LRP6: variants seen among roughly 807,000 people sequenced by gnomAD.
LRP6 encodes low-density lipoprotein receptor-related protein 6.
LRP6 carries 43 observed loss-of-function variants against 184.1 expected under a neutral mutation model. The ratio of observed to expected loss-of-function variants is 0.23; its 90% CI spans 0.18 to 0.30. LRP6 has a LOEUF of 0.30. Ranked by LOEUF, LRP6 falls within the 10% of genes least tolerant of loss-of-function variation. The pLI is 1.00. For missense variants in LRP6, 1,571 were observed against 2,005.3 expected (o/e 0.78, Z 4.14); for synonymous variants, 719 against 684.9 (o/e 1.05, Z -0.78).
intron 10 of LRP6, among the ~76,000 whole-genome samples, chr12:12,160,709 G>A (rs1289960070): frequency 6.6e-6 from 1 of 152,170 alleles, no homozygotes; most frequent in Non-Finnish European, 1.5e-5. Flanking sequence ...TAGATGAAGA[G>A]CCCAAAACAC....
At chr12:12,181,588 AAAGT>A (rs1248676934) in intron 5 of LRP6, 149 bp from the exon 6 acceptor site, 5 of 655,338 alleles carry the variant, frequency 7.6e-6, no homozygotes, top group African/African-American at 5.4e-5. Context: ...GTGGAAATGG[AAAGT>A]AATACAGTGA....
At chr12:12,163,310 ATC>A in intron 9 of LRP6, among the ~76,000 whole-genome samples, 1 of 152,114 alleles carries the variant, frequency 6.6e-6, no homozygotes, top group East Asian at 1.9e-4. Flanking sequence ...AATTTAGAAC[ATC>A]ACCCAATGCA....
intron 2 of LRP6, among the ~76,000 whole-genome samples, chr12:12,241,913 A>G (rs933337103): frequency 1.3e-5 from 2 of 152,210 alleles, no homozygotes; most frequent in African/African-American, 2.4e-5. Flanking sequence ...AAAGCCACAG[A>G]AACTCTAAAG....
intron 1 of LRP6, among the ~76,000 whole-genome samples, chr12:12,261,981 G>A (rs893638599): frequency 2.0e-5 from 3 of 152,116 alleles, no homozygotes; most frequent in Non-Finnish European, 4.4e-5. Flanking sequence ...GGTGGCTCAC[G>A]CCTGTAATCC....
rs565694073 is a variant in LRP6 at position 12,169,081 on chromosome 12, T to G, written c.1546-3786A>C. 1.3e-4 allele frequency among the ~76,000 whole-genome samples: 19 copies of G among 152,000 alleles called. No individual in the cohort carries two copies. In the East Asian group the frequency reaches 3.7e-3, roughly 29 times the overall value. ...CTGTCTCTACTAAAAATAGAAAAATTAGCCGGGAGTGGTGGCTAACGCCTG... is the reference window on the plus strand; with the variant it reads ...CTGTCTCTACTAAAAATAGAAAAATGAGCCGGGAGTGGTGGCTAACGCCTG... On this transcript the variant is annotated intron_variant, in intron 7 of 22. Coordinates refer to ENST00000261349, the MANE Select transcript of LRP6 (RefSeq NM_002336.3).
intron 19 of LRP6, among the ~76,000 whole-genome samples, chr12:12,127,667 A>G (rs942817968): frequency 3.3e-5 from 5 of 152,162 alleles, no homozygotes; most frequent in African/African-American, 1.2e-4. Flanking sequence ...AGAGGGCATC[A>G]ATATCAGAGG....
chr12:12,174,285 T>C (rs1277469651), intron 7 of LRP6, among the ~76,000 whole-genome samples: 2 of 152,130 alleles, frequency 1.3e-5, no homozygotes, highest in Non-Finnish European at 2.9e-5. Flanking sequence ...CTAATTTTTG[T>C]ATTTTTAGTA....
chr12:12,125,476 TA>T, intron 20 of LRP6, 44 bp from the exon 21 acceptor site: 1 of 1,553,580 alleles, frequency 6.4e-7, no homozygotes, highest in Non-Finnish European at 8.9e-7. Flanking sequence ...GTATGATATA[TA>T]AAAATGTATC....
intron 2 of LRP6, among the ~76,000 whole-genome samples, chr12:12,227,590 G>A (rs930884537): frequency 2.6e-5 from 4 of 151,914 alleles, no homozygotes; most frequent in African/African-American, 9.7e-5. Flanking sequence ...TGTATTTTTG[G>A]TAGAGACGGG....
At position 12,117,164 on chromosome 12, in the gene LRP6, C is replaced by A. The variant is rs1949529900; in HGVS notation, c.*3962G>T. The A allele has an allele frequency of 6.6e-6, 1 of 152,170 alleles. No homozygotes were observed. Among genetic ancestry groups the A allele is most frequent in the Non-Finnish European group, 1.5e-5 (1 of 68,016 alleles). The allele number at this position is 152,170 out of a possible 1,614,324, so 9.4% of individuals were successfully genotyped here. On this transcript the variant is annotated 3_prime_UTR_variant, in exon 23 of 23. Coordinates refer to ENST00000261349, the MANE Select transcript of LRP6 (RefSeq NM_002336.3). ...TTCTAAAATCATCTTTCTCTTGGTTCATTTTAGGCTTAAGAAATACCAAAT... is the reference window on the plus strand; with the variant it reads ...TTCTAAAATCATCTTTCTCTTGGTTAATTTTAGGCTTAAGAAATACCAAAT...
At chr12:12,243,519 TTTAAA>T (rs544135588) in intron 2 of LRP6, among the ~76,000 whole-genome samples, 3 of 152,336 alleles carry the variant, frequency 2.0e-5, no homozygotes, top group African/African-American at 7.2e-5. Flanking sequence ...CTTCTCTCTC[TTTAAA>T]TTATCTTCTG....
chr12:12,235,847 T>C (rs978982973), intron 2 of LRP6, among the ~76,000 whole-genome samples: 9 of 151,994 alleles, frequency 5.9e-5, no homozygotes, highest in East Asian at 1.9e-4. Context: ...CTTGGAGAAA[T>C]AGTTGATTCA....
In LRP6 at chr12:12,150,771, C is replaced by G; in HGVS notation, c.2994+65G>C. 4 of 1,543,552 alleles carry G rather than the reference C, an allele frequency of 2.6e-6. No individual in the cohort carries two copies. In the South Asian group the frequency reaches 4.5e-5, roughly 17 times the overall value. ...AAGCAGAGTCAAGACTTAAGTGAAA[C>G]AGAGTGGTTGGTGAGTCCAGTTATT... On this transcript the variant is annotated intron_variant, in intron 13 of 22. Coordinates refer to ENST00000261349, the MANE Select transcript of LRP6 (RefSeq NM_002336.3).
chr12:12,165,402 GT>G, intron 7 of LRP6, 107 bp from the exon 8 acceptor site: 3 of 804,940 alleles, frequency 3.7e-6, no homozygotes, highest in Non-Finnish European at 6.5e-6. Flanking sequence ...AGTCATCTTG[GT>G]ATTCCTATTA....
chr12:12,248,324 C>A (rs1456803985), intron 1 of LRP6, among the ~76,000 whole-genome samples: 1 of 152,096 alleles, frequency 6.6e-6, no homozygotes, highest in Non-Finnish European at 1.5e-5. Flanking sequence ...CTACTAACTG[C>A]AAAATCTTAT....
chr12:12,121,382 G>A lies in LRP6; in HGVS notation c.4586C>T (p.Thr1529Ile), dbSNP rs1457752857. ...PYSYRHFAPP[T>I]TPCSTDVCDS... ...ACAAACATCTGTGCTGCAGGGTGTG[G>A]TGGGGGGTGCAAAGTGCCGGTAGCT... Residue 1529 changes from threonine (T) to isoleucine (I), a missense_variant, in exon 23 of 23, where the codon ACC (threonine) becomes ATC (isoleucine). Coordinates refer to ENST00000261349, the MANE Select transcript of LRP6 (RefSeq NM_002336.3). 2 of 1,614,154 alleles carry A rather than the reference G, an allele frequency of 1.2e-6. No homozygotes were observed. Among genetic ancestry groups the A allele is most frequent in the Non-Finnish European group, 1.7e-6 (2 of 1,180,038 alleles).
intron 4 of LRP6, among the ~76,000 whole-genome samples, chr12:12,185,449 A>G (rs1863444864): frequency 6.7e-6 from 1 of 148,988 alleles, no homozygotes; most frequent in African/African-American, 2.5e-5. Context: ...TAACACTTTC[A>G]ATATTTGATT....
At chr12:12,157,124 T>C (rs955110154) in intron 12 of LRP6, among the ~76,000 whole-genome samples, 1 of 152,172 alleles carries the variant, frequency 6.6e-6, no homozygotes, top group Non-Finnish European at 1.5e-5. Context: ...GGTAACCTCA[T>C]TCATTTTAAA....
rs114563721 is a variant in LRP6 at position 12,217,178 on chromosome 12, C to T, written c.450-13778G>A. Reference sequence around the variant, plus strand: ...ATCTGTATTTATAGCCGCTCCCTATCGTTCATATTACTGCCTGAGCTCCGC... The same window carrying T: ...ATCTGTATTTATAGCCGCTCCCTATTGTTCATATTACTGCCTGAGCTCCGC... On this transcript the variant is annotated intron_variant, in intron 2 of 22. Coordinates refer to ENST00000261349, the MANE Select transcript of LRP6 (RefSeq NM_002336.3). Among the ~76,000 whole-genome samples, 969 of 152,264 alleles carry T rather than the reference C, an allele frequency of 6.4e-3. 9 individuals are homozygous for T. The highest frequency in any genetic ancestry group is 0.023 in the African/African-American group (940 of 41,536).
Sources: gnomAD v4.1 joint callset for allele counts (sites outside exome capture counted in the v4.1 genomes callset) on GRCh38, gnomAD v4.1.1 for gene constraint, MANE v1.5 for transcripts, NCBI Gene and HGNC (gene_info 2026-07-23, HGNC 2026-07-21) for gene names.